EYS: variants seen among roughly 807,000 people sequenced by gnomAD.
EYS encodes protein eyes shut homolog.
Under a neutral mutation model 282.1 loss-of-function variants are expected in EYS, and 250 were observed. That is an observed-to-expected ratio of 0.89 (90% CI 0.80 to 0.98). EYS has a LOEUF of 0.98. EYS is among the 50% of genes least tolerant of loss of function. EYS has a pLI of 0.00. For missense variants in EYS, 4,016 were observed against 3,709.0 expected (o/e 1.08, Z -2.15); for synonymous variants, 1,355 against 1,282.9 (o/e 1.06, Z -1.20).
chr6:64,927,908 A>G (rs1333126747), intron 15 of EYS, among the ~76,000 whole-genome samples: 2 of 152,138 alleles, frequency 1.3e-5, no homozygotes, highest in Non-Finnish European at 2.9e-5. Flanking sequence ...ATCAGAAATT[A>G]TTACAAAAGG....
chr6:64,392,835 A>T (rs1773203872), intron 28 of EYS, among the ~76,000 whole-genome samples: 1 of 151,966 alleles, frequency 6.6e-6, no homozygotes, highest in South Asian at 2.1e-4. Flanking sequence ...TAATGAATCC[A>T]GGAGCTGGAT....
At chr6:63,838,999 T>C (rs1298620913) in intron 36 of EYS, among the ~76,000 whole-genome samples, 1 of 152,222 alleles carries the variant, frequency 6.6e-6, no homozygotes, top group East Asian at 1.9e-4. Flanking sequence ...ATATAGGCAA[T>C]GTGTGATTAT....
intron 5 of EYS, among the ~76,000 whole-genome samples, chr6:65,443,398 G>A (rs62646231): frequency 0.099 from 12,571 of 127,046 alleles, 2,977 homozygotes; most frequent in South Asian, 0.19. Context: ...ATGCATACAT[G>A]TATGTACACA....
intron 14 of EYS, among the ~76,000 whole-genome samples, chr6:64,989,741 T>C (rs914968255): frequency 6.9e-6 from 1 of 145,482 alleles, no homozygotes; most frequent in Admixed American, 7.0e-5. Flanking sequence ...TATATATAAT[T>C]GTATACATTA....
intron 35 of EYS, among the ~76,000 whole-genome samples, chr6:63,866,580 TA>T (rs1314168303): frequency 6.6e-6 from 1 of 152,232 alleles, no homozygotes; most frequent in Non-Finnish European, 1.5e-5. Flanking sequence ...GTCCTATTGA[TA>T]AATCAAGCCC....
chr6:64,722,612 T>A (rs1304644950), intron 22 of EYS, among the ~76,000 whole-genome samples: 2 of 151,960 alleles, frequency 1.3e-5, no homozygotes, highest in Non-Finnish European at 2.9e-5. Flanking sequence ...ATACTTTACA[T>A]AAATATACAA....
chr6:64,047,827 C>T (rs945969256), intron 33 of EYS, among the ~76,000 whole-genome samples: 21 of 152,148 alleles, frequency 1.4e-4, no homozygotes, highest in African/African-American at 4.3e-4. Flanking sequence ...TTAAGGTGAC[C>T]GTCCTCTGGC....
At chr6:64,609,115 G>A (rs1373311104) in intron 24 of EYS, among the ~76,000 whole-genome samples, 2 of 152,170 alleles carry the variant, frequency 1.3e-5, no homozygotes, top group Admixed American at 6.6e-5. Context: ...GTCATGGGAT[G>A]TTGATAGTGA....
intron 29 of EYS, among the ~76,000 whole-genome samples, chr6:64,331,517 C>T (rs1770646056): frequency 6.6e-6 from 1 of 152,042 alleles, no homozygotes; most frequent in Non-Finnish European, 1.5e-5. Context: ...AATGAAAAGG[C>T]ATTTGAGCAG....
chr6:65,104,915 T>C (rs1195876460), intron 12 of EYS, among the ~76,000 whole-genome samples: 2 of 151,658 alleles, frequency 1.3e-5, no homozygotes, highest in African/African-American at 4.8e-5. Flanking sequence ...CCACATTTAA[T>C]GAAATCACAT....
intron 12 of EYS, among the ~76,000 whole-genome samples, chr6:65,122,779 A>G (rs1243543077): frequency 6.6e-6 from 1 of 152,148 alleles, no homozygotes; most frequent in Non-Finnish European, 1.5e-5. Context: ...TGAGTAAATC[A>G]TCTAAAATCT....
intron 15 of EYS, among the ~76,000 whole-genome samples, chr6:64,921,119 G>T (rs1375140735): frequency 1.3e-5 from 2 of 151,990 alleles, no homozygotes; most frequent in Non-Finnish European, 2.9e-5. Flanking sequence ...ATACTCCTTA[G>T]GGGTAACATG....
chr6:64,376,542 T>C (rs1360031899), intron 29 of EYS, among the ~76,000 whole-genome samples: 1 of 152,170 alleles, frequency 6.6e-6, no homozygotes, highest in Non-Finnish European at 1.5e-5. Context: ...TTCTACAAGG[T>C]ATGTGAGGGG....
intron 2 of EYS, among the ~76,000 whole-genome samples, chr6:65,594,264 C>T (rs1240750640): frequency 6.6e-6 from 1 of 151,936 alleles, no homozygotes; most frequent in African/African-American, 2.4e-5. Context: ...GAGATGAGAA[C>T]ACTTATTGCT....
chr6:65,310,500 T>G, intron 11 of EYS, among the ~76,000 whole-genome samples: 1 of 152,180 alleles, frequency 6.6e-6, no homozygotes, highest in East Asian at 1.9e-4. Context: ...TTAGTCTGTT[T>G]GACTAACCCT....
chr6:64,632,785 C>G (rs1442989981), intron 22 of EYS, among the ~76,000 whole-genome samples: 1 of 152,180 alleles, frequency 6.6e-6, no homozygotes, highest in Admixed American at 6.5e-5. Flanking sequence ...ATGATCTGAG[C>G]AGAATGGTCT....
intron 7 of EYS, 90 bp downstream of exon 7, chr6:65,402,388 G>A (rs891745417): frequency 6.4e-6 from 6 of 942,116 alleles, no homozygotes; most frequent in Admixed American, 1.9e-5. Context: ...TAAAAGTTAG[G>A]GTTAAAACCA....
chr6:65,395,792 C>T (rs951140010), intron 7 of EYS, among the ~76,000 whole-genome samples: 6 of 152,120 alleles, frequency 3.9e-5, no homozygotes, highest in African/African-American at 1.4e-4. Flanking sequence ...GTCTTGGAAA[C>T]ATTTCAAGTT....
At chr6:65,092,392 ACTC>A in intron 12 of EYS, among the ~76,000 whole-genome samples, 1 of 152,278 alleles carries the variant, frequency 6.6e-6, no homozygotes, top group South Asian at 2.1e-4. Flanking sequence ...AGTAATAACT[ACTC>A]ATATATTTAC....
Sources: allele counts gnomAD v4.1 joint callset (sites outside exome capture counted in the v4.1 genomes callset), GRCh38; gene constraint gnomAD v4.1.1; transcripts MANE v1.5; gene names NCBI Gene and HGNC (gene_info 2026-07-23, HGNC 2026-07-21).